Variants in PIP5K1B observed in about 807,000 individuals in gnomAD.
PIP5K1B encodes the protein phosphatidylinositol-4-phosphate 5-kinase type 1 beta.
In PIP5K1B, 42 loss-of-function variants were observed where a neutral mutation model predicts 67.0. That is an observed-to-expected ratio of 0.63 (90% CI 0.49 to 0.81). The LOEUF is 0.81. PIP5K1B is among the 30% of genes least tolerant of loss of function. PIP5K1B has a pLI of 0.00. For synonymous variants in PIP5K1B, 214 were observed against 231.4 expected, an observed-to-expected ratio of 0.92 and a Z score of 0.68; for missense variants, 459 against 646.3, an observed-to-expected ratio of 0.71 and a Z score of 3.14.
chr9:68,977,349 C>G (rs1275945303), intron 14 of PIP5K1B, among the ~76,000 whole-genome samples: 1 of 152,084 alleles, frequency 6.6e-6, no homozygotes, highest in Non-Finnish European at 1.5e-5. Context: ...TGGGGAAATC[C>G]CATCTCTACT....
chr9:68,729,107 T>C lies in PIP5K1B; in HGVS notation c.-242-13394T>C, dbSNP rs192298856. Among the ~76,000 whole-genome samples, 902 of 152,348 alleles carry C rather than the reference T, an allele frequency of 5.9e-3. 5 individuals carry two copies. Among genetic ancestry groups the C allele is most frequent in the African/African-American group, 0.021 (869 of 41,582 alleles). ...ATGTTCAATCATCATTTAAAAATTATCTTTCTTAGCTCTAAAGTAATAATT... is the reference window on the plus strand; with the variant it reads ...ATGTTCAATCATCATTTAAAAATTACCTTTCTTAGCTCTAAAGTAATAATT... On this transcript the variant is annotated intron_variant, in intron 1 of 15. Transcript: ENST00000265382.
At chr9:68,809,823 A>T (rs1204820072) in intron 2 of PIP5K1B, among the ~76,000 whole-genome samples, 1 of 152,082 alleles carries the variant, frequency 6.6e-6, no homozygotes, top group Non-Finnish European at 1.5e-5. Context: ...CTCCTCCAAA[A>T]ACCCAGAGTA....
chr9:68,775,395 A>G (rs551617084), intron 2 of PIP5K1B, among the ~76,000 whole-genome samples: 33 of 152,274 alleles, frequency 2.2e-4, no homozygotes, highest in African/African-American at 7.2e-4. Context: ...GCATATTACA[A>G]TTGTCAGCAT....
chr9:68,905,131 A>C (rs2132457415), intron 8 of PIP5K1B, among the ~76,000 whole-genome samples: 1 of 152,120 alleles, frequency 6.6e-6, no homozygotes, highest in South Asian at 2.1e-4. Flanking sequence ...TGTAGGAGTA[A>C]GGTCAATATA....
chr9:68,960,502 T>A (rs1828659381), intron 14 of PIP5K1B, among the ~76,000 whole-genome samples: 1 of 152,198 alleles, frequency 6.6e-6, no homozygotes, highest in South Asian at 2.1e-4. Flanking sequence ...GTTTTTTCTT[T>A]TCTCTGTGTA....
At chr9:68,844,391 G>A (rs1302424040) in intron 4 of PIP5K1B, among the ~76,000 whole-genome samples, 1 of 152,178 alleles carries the variant, frequency 6.6e-6, no homozygotes. Context: ...GCCCTCTATT[G>A]AGCAATCAAC....
chr9:68,876,838 G>A (rs772788283), intron 6 of PIP5K1B, 44 bp downstream of exon 6: 2 of 957,506 alleles, frequency 2.1e-6, no homozygotes, highest in South Asian at 2.6e-5. Context: ...AATGTGTGAT[G>A]TAAACATTTG....
intron 2 of PIP5K1B, among the ~76,000 whole-genome samples, chr9:68,749,050 A>G (rs966082908): frequency 6.6e-6 from 1 of 152,216 alleles, no homozygotes; most frequent in Non-Finnish European, 1.5e-5. Flanking sequence ...CATGACTTGA[A>G]GTTCCCTCAT....
intron 15 of PIP5K1B, among the ~76,000 whole-genome samples, chr9:69,006,187 A>G (rs1179816626): frequency 6.6e-6 from 1 of 151,372 alleles, no homozygotes; most frequent in Non-Finnish European, 1.5e-5. Context: ...CATTTTTTTT[A>G]CTCCGGTTAA....
intron 2 of PIP5K1B, among the ~76,000 whole-genome samples, chr9:68,803,216 A>G (rs1000877531): frequency 6.6e-6 from 1 of 152,200 alleles, no homozygotes; most frequent in Admixed American, 6.5e-5. Context: ...ATAAACTGCA[A>G]TTGAAGCATT....
intron 6 of PIP5K1B, among the ~76,000 whole-genome samples, chr9:68,884,089 A>G (rs7032651): frequency 0.93 from 141,487 of 152,180 alleles, 65,901 homozygotes; most frequent in Admixed American, 0.96. Flanking sequence ...GTATTGATTT[A>G]GGCAGTGATT....
At chr9:68,735,018 C>T (rs966348420) in intron 1 of PIP5K1B, among the ~76,000 whole-genome samples, 1 of 152,166 alleles carries the variant, frequency 6.6e-6, no homozygotes, top group Non-Finnish European at 1.5e-5. Context: ...AAATAAATTG[C>T]TATATTGGAT....
intron 2 of PIP5K1B, among the ~76,000 whole-genome samples, chr9:68,792,540 C>T (rs1233327256): frequency 3.3e-5 from 5 of 152,006 alleles, no homozygotes; most frequent in Non-Finnish European, 5.9e-5. Flanking sequence ...AGTGCAGTGG[C>T]GCGATCTCGG....
At chr9:68,819,886 A>G (rs1833646823) in intron 3 of PIP5K1B, among the ~76,000 whole-genome samples, 1 of 152,160 alleles carries the variant, frequency 6.6e-6, no homozygotes, top group Non-Finnish European at 1.5e-5. Flanking sequence ...GTTTATCATT[A>G]TTTTATGTTT....
chr9:68,820,155 A>G (rs1268959792), intron 3 of PIP5K1B, among the ~76,000 whole-genome samples: 2 of 152,122 alleles, frequency 1.3e-5, no homozygotes, highest in African/African-American at 4.8e-5. Flanking sequence ...CTGGAATGGC[A>G]TTCTTTAGGG....
intron 4 of PIP5K1B, among the ~76,000 whole-genome samples, chr9:68,842,490 A>C (rs1244839694): frequency 1.3e-5 from 2 of 152,200 alleles, no homozygotes; most frequent in Non-Finnish European, 2.9e-5. Context: ...ACAATATGAG[A>C]CACTCCATTG....
At chr9:68,719,002 A>T (rs1458900714) in intron 1 of PIP5K1B, among the ~76,000 whole-genome samples, 2 of 152,196 alleles carry the variant, frequency 1.3e-5, no homozygotes, top group East Asian at 1.9e-4. Context: ...TTAAAAAAGG[A>T]TCAAAAGTAG....
At chr9:68,998,347 C>T (rs752129124) in intron 15 of PIP5K1B, among the ~76,000 whole-genome samples, 6 of 152,316 alleles carry the variant, frequency 3.9e-5, no homozygotes, top group South Asian at 2.1e-4. Flanking sequence ...CCACTGCACC[C>T]GGCTGATTTC....
chr9:68,998,634 TCTGC>T, intron 15 of PIP5K1B, among the ~76,000 whole-genome samples: 1 of 152,064 alleles, frequency 6.6e-6, no homozygotes, highest in South Asian at 2.1e-4. Flanking sequence ...GAACTTGGGG[TCTGC>T]GAGGCCCTGA....
Sources: gnomAD v4.1 joint callset for allele counts (sites outside exome capture counted in the v4.1 genomes callset) on GRCh38, gnomAD v4.1.1 for gene constraint, MANE v1.5 for transcripts, NCBI Gene and HGNC (gene_info 2026-07-23, HGNC 2026-07-21) for gene names.